The following FBXO34 variants were observed in gnomAD, a reference collection of about 807,000 sequenced individuals.
FBXO34 encodes F-box protein 34.
A neutral mutation model predicts 24.5 loss-of-function variants in FBXO34; 12 were observed. The observed-to-expected ratio is 0.49, with a 90% CI of 0.31 to 0.79. The LOEUF is 0.79. Among genes scored for constraint, FBXO34 ranks in the 30% least tolerant of loss-of-function variants. FBXO34 has a pLI of 0.04. For synonymous variants in FBXO34, 320 were observed against 311.9 expected, an observed-to-expected ratio of 1.03 and a Z score of -0.27; for missense variants, 823 against 857.7, an observed-to-expected ratio of 0.96 and a Z score of 0.51.
the FBXO34 span, among the ~76,000 whole-genome samples, chr14:55,406,632 C>T: frequency 0.15 from 22,957 of 152,096 alleles, 2,540 homozygotes; most frequent in African/African-American, 0.32. Context: ...TAAAAAATAT[C>T]TGGCTATTAG....
At chr14:55,360,939 G>A (rs1174968308) in intron 3 of FBXO34, among the ~76,000 whole-genome samples, 6 of 151,944 alleles carry the variant, frequency 3.9e-5, no homozygotes, top group African/African-American at 7.3e-5. Flanking sequence ...TGGAGGTTGC[G>A]GTGAGCCGAG....
intron 1 of FBXO34, among the ~76,000 whole-genome samples, chr14:55,349,284 G>A (rs1395008616): frequency 6.6e-6 from 1 of 152,002 alleles, no homozygotes; most frequent in Non-Finnish European, 1.5e-5. Flanking sequence ...TGATATGGCA[G>A]GGACTGGAAC....
At chr14:55,298,524 T>C (rs1882219221) in intron 1 of FBXO34, 7 of 609,952 alleles carry the variant, frequency 1.1e-5, no homozygotes, top group Admixed American at 5.9e-5. Context: ...ATCCTACCCC[T>C]ACATTTGACC....
rs1362109070 is a variant in FBXO34, at chr14:55,352,706, T to A, written c.*180T>A. Reference sequence around the variant, plus strand: ...TACGAGCTGTACAAAAAAATTGGTCTTGTTGTTTATAGTGGCATCTCATGT... The same window carrying A: ...TACGAGCTGTACAAAAAAATTGGTCATGTTGTTTATAGTGGCATCTCATGT... On this transcript the variant is annotated 3_prime_UTR_variant, in exon 2 of 2. Coordinates refer to ENST00000313833, the MANE Select transcript of FBXO34 (RefSeq NM_017943.4). 1.7e-6 allele frequency: 1 copy of A among 598,750 alleles called. No individual in the cohort carries two copies. The highest frequency in any genetic ancestry group is 1.9e-5 in the African/African-American group (1 of 53,712). 37.1% of individuals were successfully genotyped at this position (598,750 alleles called of 1,614,324 possible).
At chr14:55,278,455 A>C (rs1022799472) in intron 1 of FBXO34, among the ~76,000 whole-genome samples, 15 of 152,120 alleles carry the variant, frequency 9.9e-5, no homozygotes, top group Non-Finnish European at 1.5e-4. Context: ...AAAAAGTCCA[A>C]AGTTGAGGCT....
At chr14:55,429,202 A>G in the FBXO34 span, among the ~76,000 whole-genome samples, 2 of 152,166 alleles carry the variant, frequency 1.3e-5, no homozygotes, top group Admixed American at 1.3e-4. Context: ...TTTTGTCTTC[A>G]TTTGTCACCT....
the FBXO34 span, among the ~76,000 whole-genome samples, chr14:55,431,720 G>A: frequency 6.6e-6 from 1 of 152,176 alleles, no homozygotes; most frequent in Non-Finnish European, 1.5e-5. Flanking sequence ...TTCAATAAAT[G>A]TATCTGAGTA....
chr14:55,305,451 C>T lies in FBXO34; in HGVS notation c.-11+33914C>T, dbSNP rs139023179. 6.4e-3 allele frequency among the ~76,000 whole-genome samples: 960 copies of T among 150,324 alleles called. 13 individuals carry two copies. The highest frequency in any genetic ancestry group is 0.022 in the African/African-American group (897 of 40,884). On this transcript the variant is annotated intron_variant, in intron 1 of 1. Transcript: ENST00000313833. ...AAAAAGTCTTAGTCCGGGTGCGGTGCGTGGTGGCTGAGGCGAGTGGATCAC... is the reference window on the plus strand; with the variant it reads ...AAAAAGTCTTAGTCCGGGTGCGGTGTGTGGTGGCTGAGGCGAGTGGATCAC...
At chr14:55,406,029 C>CA in the FBXO34 span, among the ~76,000 whole-genome samples, 7 of 152,060 alleles carry the variant, frequency 4.6e-5, no homozygotes, top group East Asian at 1.9e-4. Context: ...CGAACAACGA[C>CA]AAAAAAATAA....
chr14:55,303,268 A>T (rs1193893235), intron 1 of FBXO34, among the ~76,000 whole-genome samples: 1 of 152,212 alleles, frequency 6.6e-6, no homozygotes, highest in African/African-American at 2.4e-5. Flanking sequence ...CAAAGTAGAC[A>T]GAGTGAACCT....
At chr14:55,414,893 TTA>T in the FBXO34 span, among the ~76,000 whole-genome samples, 4 of 152,218 alleles carry the variant, frequency 2.6e-5, no homozygotes, top group African/African-American at 4.8e-5. Flanking sequence ...GTTTTAAATT[TTA>T]GTTTAAAATT....
chr14:55,369,967 T>C, downstream of FBXO34: 1 of 1,524,426 alleles, frequency 6.6e-7, no homozygotes, highest in Non-Finnish European at 8.8e-7. Context: ...TAACAACCAT[T>C]CTCAACACCA....
At chr14:55,380,853 G>GTATATATATATATATATATATA in the FBXO34 span, among the ~76,000 whole-genome samples, 3 of 108,032 alleles carry the variant, frequency 2.8e-5, no homozygotes, top group African/African-American at 4.6e-5. Flanking sequence ...CATTCTTTGT[G>GTATATATATATATATATATATA]TGTATATATA....
At chr14:55,386,173 ATGCGTGTTTTCCC>A in the FBXO34 span, 1 of 1,239,170 alleles carries the variant, frequency 8.1e-7, no homozygotes, top group East Asian at 2.3e-5. Flanking sequence ...CCCCACAAAC[ATGCGTGTTTTCCC>A]TTGCAATCTA....
intron 1 of FBXO34, among the ~76,000 whole-genome samples, chr14:55,291,622 C>G (rs1055744486): frequency 6.6e-6 from 1 of 151,828 alleles, no homozygotes; most frequent in Non-Finnish European, 1.5e-5. Flanking sequence ...TTGCTTGAGG[C>G]CAAGAATTGG....
chr14:55,430,427 A>G, the FBXO34 span, among the ~76,000 whole-genome samples: 1 of 137,914 alleles, frequency 7.3e-6, no homozygotes, highest in Non-Finnish European at 1.6e-5. Context: ...AAAAAAAGAG[A>G]TTGGGTTTTT....
At chr14:55,433,858 T>G in the FBXO34 span, 1 of 633,360 alleles carries the variant, frequency 1.6e-6, no homozygotes, top group Non-Finnish European at 2.6e-6. Flanking sequence ...CTCCCTACAT[T>G]AAGGTTAACA....
chr14:55,441,378 A>G, the FBXO34 span, among the ~76,000 whole-genome samples: 4 of 150,340 alleles, frequency 2.7e-5, no homozygotes, highest in African/African-American at 9.8e-5. Context: ...CTGGTCCTGG[A>G]CTCTTGGTCT....
At chr14:55,421,021 A>G in the FBXO34 span, among the ~76,000 whole-genome samples, 1 of 145,730 alleles carries the variant, frequency 6.9e-6, no homozygotes, top group Admixed American at 7.4e-5. Context: ...AGATCGCACC[A>G]CTGCACTGCA....
Sources: allele counts gnomAD v4.1 joint callset (sites outside exome capture counted in the v4.1 genomes callset), GRCh38; gene constraint gnomAD v4.1.1; transcripts MANE v1.5; gene names NCBI Gene and HGNC (gene_info 2026-07-23, HGNC 2026-07-21).